ASIC2: variants seen among roughly 807,000 people sequenced by gnomAD.
The protein encoded by ASIC2 is acid sensing ion channel subunit 2.
A neutral mutation model predicts 57.3 loss-of-function variants in ASIC2; 25 were observed. That is an observed-to-expected ratio of 0.44 (90% CI 0.32 to 0.61). The LOEUF (loss-of-function observed/expected upper bound fraction) is 0.61, where lower values mean the gene tolerates loss of function less well. ASIC2 is among the 20% of genes least tolerant of loss of function. The pLI is 0.06. For synonymous variants in ASIC2, 319 were observed against 307.5 expected (o/e 1.04, Z -0.39); for missense variants, 641 against 738.1 (o/e 0.87, Z 1.52).
intron 1 of ASIC2, among the ~76,000 whole-genome samples, chr17:33,799,208 G>GTTCCTTCC (rs56968316): frequency 5.9e-5 from 9 of 151,472 alleles, no homozygotes; most frequent in South Asian, 2.1e-4. Flanking sequence ...TGTGTAATCA[G>GTTCCTTCC]TTCCTTCCTT....
chr17:33,327,717 G>A (rs1907134116), intron 1 of ASIC2, among the ~76,000 whole-genome samples: 1 of 152,222 alleles, frequency 6.6e-6, no homozygotes, highest in East Asian at 1.9e-4. Context: ...AAAGCCAGGG[G>A]TGTCATGAGT....
At chr17:33,289,003 G>A (rs894227857) in intron 1 of ASIC2, among the ~76,000 whole-genome samples, 3 of 152,172 alleles carry the variant, frequency 2.0e-5, no homozygotes, top group African/African-American at 7.2e-5. Context: ...CAGGCCTGCT[G>A]TATATTTGGG....
rs373385709 is a variant in ASIC2, at chr17:33,443,562, C to A, written c.556-331495G>T. The stretch of plus-strand genomic sequence containing the variant: ...CCAAGTAGCTGGGACTACAGGCGCC[C>A]GCCACTACGCCCGGCTAATTTTTTT... On this transcript the variant is annotated intron_variant, in intron 1 of 9. Transcript: ENST00000359872. 3.8e-3 allele frequency among the ~76,000 whole-genome samples: 500 copies of A among 131,568 alleles called. 20 individuals carry two copies. The highest frequency in any genetic ancestry group is 0.036 in the Admixed American group (462 of 12,788). The allele number at this position is 131,568 out of a possible 152,430, so 86.3% of individuals were successfully genotyped here. A position where few individuals can be genotyped will look rare whatever the true frequency, so the allele number is the denominator to read the frequency against.
chr17:33,472,717 C>T (rs1424959483), intron 1 of ASIC2, among the ~76,000 whole-genome samples: 1 of 152,026 alleles, frequency 6.6e-6, no homozygotes, highest in South Asian at 2.1e-4. Context: ...GAGGTGCTTG[C>T]CTAGAGAAGG....
chr17:33,395,744 T>C (rs1204431690), intron 1 of ASIC2, among the ~76,000 whole-genome samples: 2 of 152,128 alleles, frequency 1.3e-5, no homozygotes, highest in Admixed American at 6.5e-5. Flanking sequence ...ACCAGAAACT[T>C]TGGAGCCAGG....
chr17:33,866,088 T>C (rs1461749276), intron 1 of ASIC2, among the ~76,000 whole-genome samples: 2 of 152,226 alleles, frequency 1.3e-5, no homozygotes, highest in Non-Finnish European at 2.9e-5. Context: ...TCATAGTTCA[T>C]TTTTATTTTT....
chr17:34,139,115 G>A (rs1223892639), intron 1 of ASIC2, among the ~76,000 whole-genome samples: 4 of 152,214 alleles, frequency 2.6e-5, no homozygotes, highest in Admixed American at 6.5e-5. Context: ...GTATTGTGGT[G>A]TCATCTGACA....
chr17:33,363,928 G>A (rs796929309), intron 1 of ASIC2, among the ~76,000 whole-genome samples: 45 of 152,286 alleles, frequency 3.0e-4, no homozygotes, highest in African/African-American at 1.1e-3. Context: ...CCAGCCTCCC[G>A]GAGACAGTCT....
chr17:33,502,672 C>T (rs929666414), intron 1 of ASIC2, among the ~76,000 whole-genome samples: 20 of 152,216 alleles, frequency 1.3e-4, no homozygotes, highest in Non-Finnish European at 2.5e-4. Context: ...ACAATCCCAA[C>T]CATGCCACCA....
intron 1 of ASIC2, among the ~76,000 whole-genome samples, chr17:34,068,106 A>G (rs1220697181): frequency 6.6e-6 from 1 of 152,236 alleles, no homozygotes; most frequent in Non-Finnish European, 1.5e-5. Flanking sequence ...AAAAGAGGTT[A>G]CAGTGTTCTG....
At chr17:33,994,802 T>A (rs547550196) in intron 1 of ASIC2, among the ~76,000 whole-genome samples, 19 of 152,196 alleles carry the variant, frequency 1.2e-4, no homozygotes, top group African/African-American at 3.9e-4. Context: ...GGGAAACTGA[T>A]GATTCTACAC....
chr17:33,719,244 T>G (rs1909312339), intron 1 of ASIC2, among the ~76,000 whole-genome samples: 1 of 152,102 alleles, frequency 6.6e-6, no homozygotes, highest in Non-Finnish European at 1.5e-5. Context: ...TCAAGGGACT[T>G]GCGCATGGAG....
chr17:33,547,227 G>A (rs1915606327), intron 1 of ASIC2, among the ~76,000 whole-genome samples: 1 of 151,846 alleles, frequency 6.6e-6, no homozygotes. Context: ...AAAGGGCCTG[G>A]GTACCTAATG....
Position 33,894,346 on chromosome 17 carries a change from CGTGCGTGTGT to C in ASIC2, c.555+261622_555+261631del, listed in dbSNP as rs1204371686. Among the ~76,000 whole-genome samples the C allele has an allele frequency of 3.6e-3, 313 of 87,392 alleles. 2 individuals carry two copies. The highest frequency in any genetic ancestry group is 9.5e-3 in the African/African-American group (303 of 31,836). 57.3% of individuals were successfully genotyped at this position (87,392 alleles called of 152,430 possible). A position where few individuals can be genotyped will look rare whatever the true frequency, so the allele number is the denominator to read the frequency against. On this transcript the variant is annotated intron_variant, in intron 1 of 9. Coordinates refer to the ASIC2 transcript ENST00000359872. ...GAAGCTCTGCGTGCGTGCGTGCGTG[CGTGCGTGTGT>C]GTGTGTGTGTGTGTGTGTGTGTGTG...
At position 33,571,104 on chromosome 17, in the gene ASIC2, C is replaced by G. The variant is rs189954315; in HGVS notation, c.556-459037G>C. 1.6e-3 allele frequency among the ~76,000 whole-genome samples: 237 copies of G among 152,244 alleles called. 1 individual carries two copies. The highest frequency in any genetic ancestry group is 8.8e-4 in the Non-Finnish European group (60 of 68,016). ...GTTCCATTCACCAGACTAATCTCCC[C>G]CAGAAGCGTACACCATTCCAGATTA... On this transcript the variant is annotated intron_variant, in intron 1 of 9. Transcript: ENST00000359872.
At chr17:33,916,978 G>A (rs935425318) in intron 1 of ASIC2, among the ~76,000 whole-genome samples, 1 of 152,148 alleles carries the variant, frequency 6.6e-6, no homozygotes, top group Non-Finnish European at 1.5e-5. Flanking sequence ...GTGAGTGGTG[G>A]TGTGGGTGGT....
At chr17:33,050,860 A>T (rs2091972438) in intron 3 of ASIC2, among the ~76,000 whole-genome samples, 1 of 151,942 alleles carries the variant, frequency 6.6e-6, no homozygotes, top group Non-Finnish European at 1.5e-5. Context: ...TTGGACTGAC[A>T]CCCTCTGGTC....
intron 1 of ASIC2, among the ~76,000 whole-genome samples, chr17:33,614,461 A>T (rs1905528795): frequency 6.6e-6 from 1 of 152,218 alleles, no homozygotes; most frequent in Non-Finnish European, 1.5e-5. Flanking sequence ...CAGATCTGTG[A>T]GTTCCTTGTC....
At chr17:34,092,180 T>C (rs1322397727) in intron 1 of ASIC2, among the ~76,000 whole-genome samples, 1 of 152,160 alleles carries the variant, frequency 6.6e-6, no homozygotes, top group Non-Finnish European at 1.5e-5. Flanking sequence ...GTTAAACCTT[T>C]TGGCTCCGGG....
Sources: gnomAD v4.1 joint callset for allele counts (sites outside exome capture counted in the v4.1 genomes callset) on GRCh38, gnomAD v4.1.1 for gene constraint, MANE v1.5 for transcripts, NCBI Gene and HGNC (gene_info 2026-07-23, HGNC 2026-07-21) for gene names.